MMP26: variants seen among roughly 807,000 people sequenced by gnomAD.
The protein encoded by MMP26 is matrix metallopeptidase 26.
In MMP26, 33 loss-of-function variants were observed where a neutral mutation model predicts 31.0. The observed-to-expected ratio is 1.06, with a 90% CI of 0.81 to 1.42. The LOEUF is 1.42. Among genes scored for constraint, MMP26 ranks in the 40% most tolerant of loss-of-function variants. The pLI is 0.00. For synonymous variants in MMP26, 122 were observed against 114.9 expected, an observed-to-expected ratio of 1.06 and a Z score of -0.40; for missense variants, 347 against 316.1, an observed-to-expected ratio of 1.10 and a Z score of -0.74.
intron 1 of MMP26, among the ~76,000 whole-genome samples, chr11:4,721,696 T>C (rs4331087): frequency 0.51 from 77,271 of 152,006 alleles, 20,382 homozygotes; most frequent in Non-Finnish European, 0.56. Context: ...CATCTTAATA[T>C]CCAGTTCTAG....
intron 2 of MMP26, among the ~76,000 whole-genome samples, chr11:4,845,871 CTCAAA>C (rs1248091085): frequency 6.6e-6 from 1 of 152,136 alleles, no homozygotes; most frequent in Non-Finnish European, 1.5e-5. Context: ...ATCAGAGAAA[CTCAAA>C]TCAAAGCTAT....
chr11:4,741,231 G>C (rs757779372), intron 1 of MMP26, among the ~76,000 whole-genome samples: 3 of 152,146 alleles, frequency 2.0e-5, no homozygotes, highest in Non-Finnish European at 4.4e-5. Context: ...ATGTAGATGT[G>C]TGGTGTTATT....
intron 2 of MMP26, among the ~76,000 whole-genome samples, chr11:4,793,626 C>T (rs1849062619): frequency 6.6e-6 from 1 of 152,160 alleles, no homozygotes; most frequent in Non-Finnish European, 1.5e-5. Context: ...CAAGGGTTTA[C>T]ATCCTGAGAA....
chr11:4,813,009 G>A (rs1333817263), intron 2 of MMP26, among the ~76,000 whole-genome samples: 11 of 142,404 alleles, frequency 7.7e-5, no homozygotes, highest in African/African-American at 3.1e-4. Context: ...GTGTGTGTGT[G>A]TGTATGTATA....
intron 2 of MMP26, among the ~76,000 whole-genome samples, chr11:4,936,040 T>G (rs1851435308): frequency 7.1e-6 from 1 of 140,918 alleles, no homozygotes; most frequent in Non-Finnish European, 1.5e-5. Flanking sequence ...AAAATTCTCT[T>G]TTTTGGTTGT....
intron 2 of MMP26, among the ~76,000 whole-genome samples, chr11:4,837,572 GA>G (rs1404161902): frequency 6.6e-6 from 1 of 151,830 alleles, no homozygotes; most frequent in Non-Finnish European, 1.5e-5. Flanking sequence ...CTATTCATGG[GA>G]GAGGAAACAA....
Position 4,844,941 on chromosome 11 carries a change from G to A in MMP26, c.-145+77600G>A, listed in dbSNP as rs552288827. On this transcript the variant is annotated intron_variant, in intron 2 of 7. Coordinates refer to ENST00000380390, the MANE Select transcript of MMP26 (RefSeq NM_021801.5). ...AAAGGAAATAAAGTCATCCAAATTG[G>A]AATGGAAAAATTCAGATTATTCTTA... 5.3e-5 allele frequency among the ~76,000 whole-genome samples: 8 copies of A among 152,142 alleles called. No individual in the cohort carries two copies. The East Asian group carries it at 1.5e-3, about 29-fold the overall frequency.
chr11:4,916,368 C>A (rs12794894), intron 2 of MMP26, among the ~76,000 whole-genome samples: 14,114 of 149,510 alleles, frequency 0.094, 843 homozygotes, highest in Middle Eastern at 0.2. Flanking sequence ...CCCTATTTAA[C>A]TTTGCCTGCC....
chr11:4,710,559 T>C (rs145491048), intron 1 of MMP26: 3 of 381,404 alleles, frequency 7.9e-6, no homozygotes, highest in African/African-American at 2.1e-5. Flanking sequence ...CCCTGACCCA[T>C]GTTTGATCAT....
intron 2 of MMP26, among the ~76,000 whole-genome samples, chr11:4,807,256 C>T (rs1849283542): frequency 6.6e-6 from 1 of 152,068 alleles, no homozygotes; most frequent in African/African-American, 2.4e-5. Flanking sequence ...GTCACACTGC[C>T]TTCCATAATG....
rs1044257683 is a variant in MMP26 at position 4,843,191 on chromosome 11, C to A, written c.-145+75850C>A. Among the ~76,000 whole-genome samples the A allele has an allele frequency of 9.2e-5, 14 of 152,192 alleles. 1 individual carries two copies. Among genetic ancestry groups the A allele is most frequent in the Non-Finnish European group, 1.8e-4 (12 of 68,036 alleles). ...ATGGTGCAAGCTATCGGTGGATCTG[C>A]CATTCTGGAGTATGGATAATGGTGG... On this transcript the variant is annotated intron_variant, in intron 2 of 7. Transcript: ENST00000380390.
intron 1 of MMP26, among the ~76,000 whole-genome samples, chr11:4,741,917 CAT>C (rs1340829152): frequency 1.7e-4 from 26 of 152,132 alleles, no homozygotes; most frequent in Non-Finnish European, 1.5e-5. Context: ...TAAGAACAAA[CAT>C]ATGGCTATGT....
intron 2 of MMP26, among the ~76,000 whole-genome samples, chr11:4,828,229 C>A: frequency 6.6e-6 from 1 of 152,126 alleles, no homozygotes; most frequent in Non-Finnish European, 1.5e-5. Flanking sequence ...TGAAGAGGTG[C>A]TCTTCATTAC....
At chr11:4,825,243 A>T (rs1285690451) in intron 2 of MMP26, among the ~76,000 whole-genome samples, 1 of 152,170 alleles carries the variant, frequency 6.6e-6, no homozygotes, top group African/African-American at 2.4e-5. Flanking sequence ...TTGAAGACTT[A>T]TTCACTCAAA....
chr11:4,781,111 G>A (rs1848853181), intron 2 of MMP26, among the ~76,000 whole-genome samples: 1 of 152,072 alleles, frequency 6.6e-6, no homozygotes, highest in African/African-American at 2.4e-5. Context: ...CCAGGGGCTG[G>A]GGGTAGAAAA....
chr11:4,874,029 C>T (rs868129556), intron 2 of MMP26, among the ~76,000 whole-genome samples: 23 of 151,942 alleles, frequency 1.5e-4, no homozygotes, highest in African/African-American at 4.3e-4. Flanking sequence ...TCCAATCAGA[C>T]CCATTATTTT....
intron 2 of MMP26, among the ~76,000 whole-genome samples, chr11:4,934,891 T>A (rs1191028499): frequency 6.6e-6 from 1 of 151,310 alleles, no homozygotes; most frequent in Non-Finnish European, 1.5e-5. Flanking sequence ...GTTGTAGGTA[T>A]GCGGCGTTAT....
At chr11:4,791,148 G>C (rs965324806) in intron 2 of MMP26, among the ~76,000 whole-genome samples, 5 of 152,250 alleles carry the variant, frequency 3.3e-5, no homozygotes, top group Non-Finnish European at 7.4e-5. Context: ...GCCACAATTT[G>C]TGCTTTTAGA....
chr11:4,992,127 T>A lies in MMP26; in HGVS notation c.757+2T>A. 1 of 1,613,470 alleles carries A rather than the reference T, an allele frequency of 6.2e-7. No homozygotes were observed. The highest frequency in any genetic ancestry group is 8.5e-7 in the Non-Finnish European group (1 of 1,179,776). ...TCCAAAGGATCCAGCATTTGTATGG[T>A]CTGTGCTGCTTAAGGAAGAGAAGGG... On this transcript the variant is annotated splice_donor_variant, in intron 7 of 7. Coordinates refer to ENST00000380390, the MANE Select transcript of MMP26 (RefSeq NM_021801.5). LOFTEE classifies it high-confidence loss of function.
Sources: gnomAD v4.1 joint callset for allele counts (sites outside exome capture counted in the v4.1 genomes callset) on GRCh38, gnomAD v4.1.1 for gene constraint, MANE v1.5 for transcripts, NCBI Gene and HGNC (gene_info 2026-07-23, HGNC 2026-07-21) for gene names.